The following TOP2B variants were observed in gnomAD, a reference collection of about 807,000 sequenced individuals.
The protein encoded by TOP2B is DNA topoisomerase II beta.
TOP2B carries 51 observed loss-of-function variants against 193.5 expected under a neutral mutation model. The ratio of observed to expected loss-of-function variants is 0.26; its 90% CI spans 0.21 to 0.33. TOP2B has a LOEUF of 0.33. Among genes scored for constraint, TOP2B ranks in the 10% least tolerant of loss-of-function variants. TOP2B has a pLI of 1.00. For missense variants in TOP2B, 1,378 were observed against 1,909.3 expected, an observed-to-expected ratio of 0.72 and a Z score of 5.19; for synonymous variants, 634 against 635.7, an observed-to-expected ratio of 1.00 and a Z score of 0.04.
intron 15 of TOP2B, among the ~76,000 whole-genome samples, chr3:25,628,487 A>G (rs916807829): frequency 6.6e-6 from 1 of 152,192 alleles, no homozygotes; most frequent in Non-Finnish European, 1.5e-5. Context: ...ACAATAGGAT[A>G]TTAAAGAAGG....
intron 1 of TOP2B, among the ~76,000 whole-genome samples, chr3:25,647,488 G>A (rs565755221): frequency 1.3e-5 from 2 of 151,874 alleles, no homozygotes; most frequent in Admixed American, 6.6e-5. Flanking sequence ...AAAAGCTTTC[G>A]TATTCCAGGC....
At chr3:25,659,892 A>G (rs947970384) in intron 1 of TOP2B, among the ~76,000 whole-genome samples, 2 of 152,214 alleles carry the variant, frequency 1.3e-5, no homozygotes, top group African/African-American at 4.8e-5. Flanking sequence ...TGCCTTAACC[A>G]TGTGCCTAAG....
At chr3:25,605,920 AG>A (rs1186006008) in intron 32 of TOP2B, 122 bp downstream of exon 32, 1 of 500,558 alleles carries the variant, frequency 2.0e-6, no homozygotes, top group Non-Finnish European at 3.4e-6. Context: ...AAATATAAAA[AG>A]GAAGTTTTCT....
intron 35 of TOP2B, 48 bp downstream of exon 35, chr3:25,599,387 C>A (rs769315965): frequency 6.4e-7 from 1 of 1,570,556 alleles, no homozygotes; most frequent in East Asian, 2.3e-5. Flanking sequence ...ACTTACAGAT[C>A]TTTTTTTAAA....
chr3:25,653,650 A>C (rs942333754), intron 1 of TOP2B, among the ~76,000 whole-genome samples: 1 of 151,922 alleles, frequency 6.6e-6, no homozygotes, highest in African/African-American at 2.4e-5. Flanking sequence ...GGATGGTCTT[A>C]AACTCCTGGC....
chr3:25,663,948 G>A (rs961742593), intron 1 of TOP2B, among the ~76,000 whole-genome samples: 9 of 152,142 alleles, frequency 5.9e-5, no homozygotes, highest in Non-Finnish European at 8.8e-5. Flanking sequence ...AAAGAAAAGA[G>A]AGGAAGCGGG....
intron 1 of TOP2B, among the ~76,000 whole-genome samples, chr3:25,650,935 A>G (rs1450194212): frequency 1.3e-5 from 2 of 152,174 alleles, no homozygotes; most frequent in Non-Finnish European, 2.9e-5. Context: ...AGCATAATTC[A>G]TATTGCTCTG....
chr3:25,616,140 T>G (rs1702497574), intron 25 of TOP2B, among the ~76,000 whole-genome samples: 1 of 151,954 alleles, frequency 6.6e-6, no homozygotes, highest in South Asian at 2.1e-4. Context: ...GTTGGTGAGT[T>G]AGAGTAAGAA....
intron 13 of TOP2B, 50 bp from the exon 14 acceptor site, chr3:25,629,195 GA>G (rs1702887984): frequency 7.7e-7 from 1 of 1,299,490 alleles, no homozygotes; most frequent in Non-Finnish European, 1.0e-6. Flanking sequence ...TTTATAAAAT[GA>G]TTACTTATAT....
At chr3:25,651,479 G>A (rs1372689643) in intron 1 of TOP2B, among the ~76,000 whole-genome samples, 1 of 149,222 alleles carries the variant, frequency 6.7e-6, no homozygotes, top group Non-Finnish European at 1.5e-5. Flanking sequence ...CACAAAAGAA[G>A]GCAGCAAGGG....
chr3:25,628,127 C>T (rs946659028), intron 15 of TOP2B, among the ~76,000 whole-genome samples: 3 of 141,776 alleles, frequency 2.1e-5, no homozygotes, highest in African/African-American at 7.9e-5. Context: ...AATTTTAATA[C>T]AGTCCAGGGG....
At chr3:25,600,753 T>C (rs1173467137) in intron 34 of TOP2B, among the ~76,000 whole-genome samples, 1 of 152,260 alleles carries the variant, frequency 6.6e-6, no homozygotes, top group South Asian at 2.1e-4. Flanking sequence ...GTCCTGGATC[T>C]AGCCCATTAC....
At chr3:25,618,383 A>G in intron 25 of TOP2B, 35 bp downstream of exon 25, 2 of 1,527,238 alleles carry the variant, frequency 1.3e-6, no homozygotes, top group Non-Finnish European at 9.0e-7. Flanking sequence ...TGCTTTTAAA[A>G]GCTTCTCTGA....
intron 13 of TOP2B, among the ~76,000 whole-genome samples, chr3:25,629,602 TAAGAG>T (rs1702900813): frequency 6.6e-6 from 1 of 152,156 alleles, no homozygotes; most frequent in Admixed American, 6.5e-5. Context: ...TTAGAGTGCA[TAAGAG>T]AAAACAGTTG....
In TOP2B at chr3:25,609,711, C is replaced by A; in HGVS notation, c.3788G>T (p.Gly1263Val). ...TTTTACTGCTGCAGTATCAAGATCA[C>A]CCTACATAATAAAAAGAAAATCAAG... The part of the protein sequence containing the change: ...ASKKLLKKKK[G>V]DLDTAAVKVE... The change falls in exon 29 of 36, where the codon GGT (glycine) becomes GTT (valine). Residue 1263 changes from glycine (G) to valine (V), a missense_variant and splice_region_variant. Around this residue, in one of 9 missense-constraint regions of TOP2B, gnomAD observed 556 missense variants for 584.2 expected, o/e 0.95. Coordinates refer to ENST00000264331, the MANE Select transcript of TOP2B (RefSeq NM_001330700.2). The A allele has an allele frequency of 6.9e-7, 1 of 1,446,150 alleles. No homozygotes were observed. The allele number at this position is 1,446,150 out of a possible 1,614,324, so 89.6% of individuals were successfully genotyped here. A position where few individuals can be genotyped will look rare whatever the true frequency, so the allele number is the denominator to read the frequency against.
rs1702739585 is a variant in TOP2B at position 25,624,352 on chromosome 3, G to A, written c.2440C>T (p.Arg814Trp). 2.5e-6 allele frequency: 4 copies of A among 1,613,886 alleles called. No individual in the cohort carries two copies. The highest frequency in any genetic ancestry group is 1.7e-6 in the Non-Finnish European group (2 of 1,179,838). The change falls in exon 20 of 36, where the codon CGG becomes TGG. Residue 814 changes from arginine (R) to tryptophan (W), a missense_variant. Arg to Trp is a moderately radical substitution (Grantham distance 101, BLOSUM62 -3). This residue lies in a region of TOP2B where 379 missense variants were observed against 615.1 expected (regional missense o/e 0.62). Transcript: ENST00000264331. ...GCAGCATCTTTGCCACCATGAAGCCGAGTTCCAAACTGACCAATAGGCTGA... is the reference window on the plus strand; with the variant it reads ...GCAGCATCTTTGCCACCATGAAGCCAAGTTCCAAACTGACCAATAGGCTGA... ...LLQPIGQFGTRLHGGKDAASP... is the reference protein window; with the variant it reads ...LLQPIGQFGTWLHGGKDAASP...
At chr3:25,657,755 A>G (rs1378775408) in intron 1 of TOP2B, among the ~76,000 whole-genome samples, 2 of 152,122 alleles carry the variant, frequency 1.3e-5, no homozygotes, top group Non-Finnish European at 2.9e-5. Context: ...AATTAACAAC[A>G]TGCCTTTAAA....
At chr3:25,620,849 T>TAA (rs765597347) in intron 21 of TOP2B, 33 bp from the exon 22 acceptor site, 3 of 1,606,148 alleles carry the variant, frequency 1.9e-6, no homozygotes, top group South Asian at 1.1e-5. Flanking sequence ...CATTGACTTC[T>TAA]CTCTTGAGTA....
chr3:25,638,056 AT>A, intron 5 of TOP2B, 108 bp downstream of exon 5: 2 of 1,022,444 alleles, frequency 2.0e-6, no homozygotes, highest in Non-Finnish European at 2.8e-6. Flanking sequence ...ATAAATATTA[AT>A]TCTGACAATG....
Sources: allele counts gnomAD v4.1 joint callset (sites outside exome capture counted in the v4.1 genomes callset), GRCh38; gene constraint gnomAD v4.1.1; regional missense constraint gnomAD v4.1.1; transcripts MANE v1.5; gene names NCBI Gene and HGNC (gene_info 2026-07-23, HGNC 2026-07-21).